The following ATP2A2 variants were observed in gnomAD, a reference collection of about 807,000 sequenced individuals.
The protein encoded by ATP2A2 is sarcoplasmic/endoplasmic reticulum calcium ATPase 2.
A neutral mutation model predicts 109.3 loss-of-function variants in ATP2A2; 14 were observed. The observed-to-expected ratio is 0.13, with a 90% confidence interval of 0.08 to 0.20. ATP2A2 has a LOEUF of 0.20. ATP2A2 is among the 10% of genes least tolerant of loss of function. The pLI is 1.00. For missense variants in ATP2A2, 657 were observed against 1,321.6 expected (o/e 0.50, Z 7.80); for synonymous variants, 506 against 490.9 (o/e 1.03, Z -0.41).
At chr12:110,293,376 T>TG (rs1566203409) in intron 4 of ATP2A2, among the ~76,000 whole-genome samples, 446 of 118,834 alleles carry the variant, frequency 3.8e-3, no homozygotes, top group Admixed American at 5.7e-3. Context: ...CCTTTTTTTT[T>TG]TTTTTTTTTT....
At position 110,350,831 on chromosome 12, in the gene ATP2A2, TCA is replaced by T. The variant is rs1167675109; in HGVS notation, c.*4362_*4363del. The T allele has an allele frequency of 6.2e-6, 1 of 162,436 alleles. No individual in the cohort carries two copies. The highest frequency in any genetic ancestry group is 1.4e-5 in the Non-Finnish European group (1 of 73,132). 10.1% of individuals were successfully genotyped at this position (162,436 alleles called of 1,614,324 possible). A position where few individuals can be genotyped will look rare whatever the true frequency, so the allele number is the denominator to read the frequency against. ...TAAAATGTAGGCCTCCAGTTCATTT[TCA>T]GTTATTTTCTGAGTGTGCAGACAGC... On this transcript the variant is annotated 3_prime_UTR_variant, in exon 20 of 20. Coordinates refer to ENST00000539276, the MANE Select transcript of ATP2A2 (RefSeq NM_170665.4).
rs764583122 is a variant in ATP2A2, at chr12:110,343,251, C to G, written c.2338C>G (p.Leu780Val). ...EVVCIFLTAALGFPEALIPVQ... is the reference protein window; with the variant it reads ...EVVCIFLTAAVGFPEALIPVQ... ...AAACAGTATTTTCCTGACAGCAGCC[C>G]TTGGATTTCCCGAGGCTTTGATTCC... Residue 780 changes from leucine (L) to valine (V), a missense_variant, in exon 16 of 20, where the codon CTT becomes GTT. By Grantham distance (32) the Leu-to-Val change is conservative. Transcript: ENST00000539276. The G allele has an allele frequency of 2.5e-6, 4 of 1,614,052 alleles. No homozygotes were observed. The highest frequency in any genetic ancestry group is 1.3e-5 in the African/African-American group (1 of 74,930).
rs745317424 is a variant in ATP2A2 at position 110,333,295 on chromosome 12, C to A, written c.1287+12C>A. The A allele has an allele frequency of 1.3e-6, 2 of 1,594,554 alleles. No homozygotes were observed. Among genetic ancestry groups the A allele is most frequent in the Admixed American group, 1.7e-5 (1 of 59,982 alleles). On this transcript the variant is annotated intron_variant, in intron 10 of 19. Coordinates refer to ENST00000539276, the MANE Select transcript of ATP2A2 (RefSeq NM_170665.4). ...TGGATTACAATGAGGTAAGTCTCTT[C>A]ATAAATTAGAAGGAATGGCTGTTCC... is the stretch of plus-strand genomic sequence containing the variant.
At chr12:110,322,097 TCTC>T (rs1332729900) in intron 5 of ATP2A2, among the ~76,000 whole-genome samples, 1 of 151,606 alleles carries the variant, frequency 6.6e-6, no homozygotes, top group Non-Finnish European at 1.5e-5. Context: ...TTCACGCCAT[TCTC>T]CTGCCTCAGC....
At position 110,282,803 on chromosome 12, in the gene ATP2A2, T is replaced by C; in HGVS notation, c.219+8T>C. The stretch of plus-strand genomic sequence containing the variant: ...GCAGCATGTATATCTTTTGTAAGTA[T>C]AAAAAAATTTATTTTCTTTCCCCCC... On this transcript the variant is annotated splice_region_variant and intron_variant, in intron 3 of 19. Coordinates refer to ENST00000539276, the MANE Select transcript of ATP2A2 (RefSeq NM_170665.4). 6.2e-7 allele frequency: 1 copy of C among 1,605,040 alleles called. No homozygotes were observed. The highest frequency in any genetic ancestry group is 1.1e-5 in the South Asian group (1 of 90,754).
rs1463948818 is a variant in ATP2A2, at chr12:110,350,853, G to C, written c.*4383G>C. The C allele has an allele frequency of 6.2e-6, 1 of 162,228 alleles. No individual in the cohort carries two copies. Among genetic ancestry groups the C allele is most frequent in the African/African-American group, 2.4e-5 (1 of 41,524 alleles). The allele number at this position is 162,228 out of a possible 1,614,324, so 10.0% of individuals were successfully genotyped here. ...TTTTCAGTTATTTTCTGAGTGTGCA[G>C]ACAGCTATTTCGCACTGTATTAAAT... On this transcript the variant is annotated 3_prime_UTR_variant, in exon 20 of 20. Transcript: ENST00000539276.
intron 11 of ATP2A2, among the ~76,000 whole-genome samples, chr12:110,337,639 G>A (rs187952460): frequency 6.6e-6 from 1 of 152,342 alleles, no homozygotes; most frequent in East Asian, 1.9e-4. Context: ...GTTAGATGCT[G>A]ATGTTCTTGG....
At chr12:110,283,505 C>T (rs938595867) in intron 3 of ATP2A2, among the ~76,000 whole-genome samples, 2 of 152,262 alleles carry the variant, frequency 1.3e-5, no homozygotes, top group African/African-American at 4.8e-5. Context: ...AGAACTACAG[C>T]AGAAAAAGGG....
At chr12:110,287,095 A>T (rs1197302155) in intron 3 of ATP2A2, among the ~76,000 whole-genome samples, 1 of 152,098 alleles carries the variant, frequency 6.6e-6, no homozygotes, top group African/African-American at 2.4e-5. Context: ...TGTACTAAAA[A>T]TACAAAAATT....
At chr12:110,313,486 G>T (rs1215419742) in intron 5 of ATP2A2, among the ~76,000 whole-genome samples, 1 of 151,142 alleles carries the variant, frequency 6.6e-6, no homozygotes, top group African/African-American at 2.4e-5. Context: ...CTAATTTTTT[G>T]TATATTTTAG....
chr12:110,281,160 C>A (rs1872027874), upstream of ATP2A2: 1 of 149,162 alleles, frequency 6.7e-6, no homozygotes, highest in Non-Finnish European at 1.5e-5. Flanking sequence ...GCCGCGCCGC[C>A]CGCGCCGCGC....
intron 5 of ATP2A2, among the ~76,000 whole-genome samples, chr12:110,297,110 C>T (rs995015911): frequency 3.3e-5 from 5 of 152,096 alleles, no homozygotes; most frequent in Non-Finnish European, 5.9e-5. Context: ...TTTCTTGGCA[C>T]CAAAGTTCAT....
chr12:110,300,586 C>T lies in ATP2A2; in HGVS notation c.463+3849C>T, dbSNP rs187983517. 1.7e-3 allele frequency among the ~76,000 whole-genome samples: 253 copies of T among 151,090 alleles called. 2 individuals carry two copies. Among genetic ancestry groups the T allele is most frequent in the Non-Finnish European group, 8.4e-4 (57 of 67,804 alleles). On this transcript the variant is annotated intron_variant, in intron 5 of 19. Transcript: ENST00000539276. Reference sequence around the variant, plus strand: ...AGCCAGGATGACCTCGTGATCCTCCCGCCTCAGCCTCCCAAAGTGCTGGGA... The same window carrying T: ...AGCCAGGATGACCTCGTGATCCTCCTGCCTCAGCCTCCCAAAGTGCTGGGA...
In ATP2A2 at chr12:110,282,828, CA is replaced by C. The variant is rs1354003702; in HGVS notation, c.219+37del. ...TAAAAAAATTTATTTTCTTTCCCCC[CA>C]AAAGCTGAAAGTATTCCATAGATAA... On this transcript the variant is annotated intron_variant, in intron 3 of 19. Coordinates refer to ENST00000539276, the MANE Select transcript of ATP2A2 (RefSeq NM_170665.4). 1.9e-6 allele frequency: 3 copies of C among 1,547,244 alleles called. No homozygotes were observed. In the Admixed American group the frequency reaches 5.1e-5, roughly 27 times the overall value.
At position 110,327,925 on chromosome 12, in the gene ATP2A2, A is replaced by G; in HGVS notation, c.1003A>G (p.Ser335Gly). ...GGCAAAGAAAAATGCCATTGTTCGAAGCCTCCCGTCTGTGGAAACCCTTGG... is the reference window on the plus strand; with the variant it reads ...GGCAAAGAAAAATGCCATTGTTCGAGGCCTCCCGTCTGTGGAAACCCTTGG... ...RMAKKNAIVR[S>G]LPSVETLGCT... Residue 335 changes from serine to glycine, a missense_variant, in exon 8 of 20, where the codon AGC (serine) becomes GGC (glycine). Ser to Gly is a moderately conservative substitution (Grantham distance 56). Transcript: ENST00000539276. The surrounding 1 kb of genome is among the most constrained non-coding windows in gnomAD (Gnocchi z 4.4). 2 of 1,614,102 alleles carry G rather than the reference A, an allele frequency of 1.2e-6. No homozygotes were observed. The highest frequency in any genetic ancestry group is 1.7e-6 in the Non-Finnish European group (2 of 1,179,966).
Position 110,328,137 on chromosome 12 carries a change from A to G in ATP2A2, c.1095+120A>G, listed in dbSNP as rs948591916. 4.1e-6 allele frequency: 4 copies of G among 987,366 alleles called. No homozygotes were observed. The Admixed American group carries it at 6.5e-5, about 16-fold the overall frequency. 61.2% of individuals were successfully genotyped at this position (987,366 alleles called of 1,614,324 possible). On this transcript the variant is annotated intron_variant, in intron 8 of 19. Coordinates refer to ENST00000539276, the MANE Select transcript of ATP2A2 (RefSeq NM_170665.4). The stretch of plus-strand genomic sequence containing the variant: ...ATACATTTCTGTGGGCTGTATGTAT[A>G]GCCTGAGCTTAATTTCTAATATTTG...
intron 6 of ATP2A2, among the ~76,000 whole-genome samples, chr12:110,325,204 A>G (rs564282671): frequency 6.6e-6 from 1 of 152,338 alleles, no homozygotes; most frequent in Non-Finnish European, 1.5e-5. Flanking sequence ...ATCATAATGT[A>G]GTTTTTGGCT....
At chr12:110,341,441 AT>A (rs957928388) in intron 14 of ATP2A2, among the ~76,000 whole-genome samples, 10 of 152,090 alleles carry the variant, frequency 6.6e-5, no homozygotes, top group Non-Finnish European at 1.5e-4. Flanking sequence ...TTAAAAAAAA[AT>A]CTTAGTTTTG....
intron 5 of ATP2A2, among the ~76,000 whole-genome samples, chr12:110,306,715 C>T (rs1186797832): frequency 6.6e-6 from 1 of 152,082 alleles, no homozygotes; most frequent in Non-Finnish European, 1.5e-5. Flanking sequence ...TGCGTAGTAT[C>T]ACATGGTGTA....
Sources: gnomAD v4.1 joint callset for allele counts (sites outside exome capture counted in the v4.1 genomes callset) on GRCh38, gnomAD v4.1.1 for gene constraint, Gnocchi (gnomAD v3.1) non-coding constraint, MANE v1.5 for transcripts, NCBI Gene and HGNC (gene_info 2026-07-23, HGNC 2026-07-21) for gene names.